The following ITGA7 variants were observed in gnomAD, a reference collection of about 807,000 sequenced individuals.
ITGA7 encodes the protein integrin subunit alpha 7.
In ITGA7, 84 loss-of-function variants were observed where a neutral mutation model predicts 131.6. The observed-to-expected ratio is 0.64, with a 90% CI of 0.54 to 0.77. The LOEUF (loss-of-function observed/expected upper bound fraction) is 0.77. ITGA7 is among the 30% of genes least tolerant of loss of function. ITGA7 has a pLI of 0.00. For missense variants in ITGA7, 1,399 were observed against 1,482.9 expected (o/e 0.94, Z 0.93); for synonymous variants, 548 against 600.7 (o/e 0.91, Z 1.28).
At chr12:55,697,173 G>A in intron 11 of ITGA7, 43 bp downstream of exon 11, 5 of 1,575,940 alleles carry the variant, frequency 3.2e-6, no homozygotes, top group Non-Finnish European at 2.6e-6. Flanking sequence ...CCCCTCCCTG[G>A]GAAACCCAAA....
Position 55,695,571 on chromosome 12 carries a change from C to T in ITGA7, c.1954G>A (p.Ala652Thr), listed in dbSNP as rs372579627. The change falls in exon 14 of 25, where the codon GCC (alanine) becomes ACC (threonine). Residue 652 changes from alanine (A) to threonine (T), a missense_variant. Transcript: ENST00000257879. ...TCGCTGACCCGGGTACAGAAGCGGG[C>T]GCGGACCAGCTGCAGATTGCTCTGG... ...ICQSNLQLVR[A>T]RFCTRVSDTE... is the part of the protein sequence containing the mutation. The T allele has an allele frequency of 6.8e-6, 11 of 1,613,536 alleles. No individual in the cohort carries two copies. Among genetic ancestry groups the T allele is most frequent in the East Asian group, 2.2e-5 (1 of 44,844 alleles).
Position 55,685,238 on chromosome 12 carries a change from G to T in ITGA7, c.3234C>A (p.Tyr1078Ter). 2 of 1,614,202 alleles carry T rather than the reference G, an allele frequency of 1.2e-6. No homozygotes were observed. The highest frequency in any genetic ancestry group is 1.3e-5 in the African/African-American group (1 of 75,066). Residue 1078 changes from tyrosine (Y) to a stop codon, truncating the protein, a stop_gained, in exon 25 of 25, where the codon TAC (tyrosine) becomes TAA (stop). Transcript: ENST00000257879. LOFTEE classifies it high-confidence loss of function. The part of the protein sequence containing the change: ...AKHPEATVPQ[Y>*]HAVKIPREDR... ...CTTCCCGAGGAATCTTCACCGCATG[G>T]TACTGGGGCACGGTGGCCTCGGGGT...
At position 55,697,975 on chromosome 12, in the gene ITGA7, T is replaced by C. The variant is rs1355871507; in HGVS notation, c.1244A>G (p.His415Arg). 1.1e-5 allele frequency: 18 copies of C among 1,613,988 alleles called. No homozygotes were observed. Among genetic ancestry groups the C allele is most frequent in the Non-Finnish European group, 1.5e-5 (18 of 1,180,044 alleles). The change falls in exon 8 of 25, where the codon CAT becomes CGT. Residue 415 changes from histidine to arginine, a missense_variant. Coordinates refer to ENST00000257879, the MANE Select transcript of ITGA7 (RefSeq NM_002206.3). ...GGCGACAACCCCCAGGCTGCTCCCA[T>C]GGTAGATGAAGACTTTCCCATCACC... ...FDGDGKVFIY[H>R]GSSLGVVAKP... is the part of the protein sequence containing the mutation.
In ITGA7 at chr12:55,707,666, C is replaced by G. The variant is rs573629864; in HGVS notation, c.17G>C (p.Ser6Thr). 1 of 1,580,062 alleles carries G rather than the reference C, an allele frequency of 6.3e-7. No individual in the cohort carries two copies. The highest frequency in any genetic ancestry group is 1.1e-5 in the South Asian group (1 of 86,960). Reference sequence around the variant, plus strand: ...CCCGGAGGCCCCCCAAGGGTCGCGGCTCCGAGCCCCGGCCATGGGACGATC... The same window carrying G: ...CCCGGAGGCCCCCCAAGGGTCGCGGGTCCGAGCCCCGGCCATGGGACGATC... MAGAR[S>T]RDPWGASGIC... The change falls in exon 1 of 25, where the codon AGC becomes ACC. Residue 6 changes from serine (S) to threonine (T), a missense_variant. Ser to Thr is a moderately conservative substitution (Grantham distance 58, BLOSUM62 1). Transcript: ENST00000257879.
At position 55,702,924 on chromosome 12, in the gene ITGA7, T is replaced by C; in HGVS notation, c.362A>G (p.Asn121Ser). The change falls in exon 3 of 25, where the codon AAC becomes AGC. Residue 121 changes from asparagine to serine, a missense_variant. By Grantham distance (46) the Asn-to-Ser change is conservative. Transcript: ENST00000257879. The stretch of plus-strand genomic sequence containing the variant: ...CCGAACACTGACTCCCAACCACTGG[T>C]TCTCCTTGCTTTCCTTTTGCATATC... ...GADMQKESKE[N>S]QWLGVSVRSQ... is the part of the protein sequence containing the mutation. The C allele has an allele frequency of 6.2e-7, 1 of 1,613,134 alleles. No homozygotes were observed. The highest frequency in any genetic ancestry group is 1.3e-5 in the African/African-American group (1 of 75,012).
chr12:55,707,852 G>A lies in ITGA7; in HGVS notation c.-170C>T. ...CGCCCGCCCGCCGCTCCGCCACCCCGCCGCCCCAGCACCGGCTAGGACAAC... is the reference window on the plus strand; with the variant it reads ...CGCCCGCCCGCCGCTCCGCCACCCCACCGCCCCAGCACCGGCTAGGACAAC... On this transcript the variant is annotated 5_prime_UTR_variant, in exon 1 of 25. Transcript: ENST00000257879. The A allele has an allele frequency of 1.1e-6, 1 of 939,402 alleles. No homozygotes were observed. Among genetic ancestry groups the A allele is most frequent in the South Asian group, 1.6e-5 (1 of 61,188 alleles). The allele number at this position is 939,402 out of a possible 1,614,324, so 58.2% of individuals were successfully genotyped here.
intron 1 of ITGA7, among the ~76,000 whole-genome samples, chr12:55,703,417 TAC>T (rs57311080): frequency 4.5e-4 from 67 of 148,636 alleles, no homozygotes; most frequent in Non-Finnish European, 5.5e-4. Context: ...ACACAGTAGA[TAC>T]ACACACACAC....
intron 19 of ITGA7, 43 bp from the exon 20 acceptor site, chr12:55,693,360 CTTTTT>C: frequency 8.2e-7 from 1 of 1,221,782 alleles, no homozygotes. Flanking sequence ...CTCAGTTTTT[CTTTTT>C]TTTTTTTTTT....
At position 55,694,682 on chromosome 12, in the gene ITGA7, C is replaced by T; in HGVS notation, c.2210G>A (p.Cys737Tyr). Residue 737 changes from cysteine (C) to tyrosine (Y), a missense_variant, in exon 16 of 25, where the codon TGC (cysteine) becomes TAC (tyrosine). Coordinates refer to ENST00000257879, the MANE Select transcript of ITGA7 (RefSeq NM_002206.3). This position sits in a 1 kb window ranked among gnomAD's most constrained non-coding sequence, Gnocchi z 5.3. ...RALDPAEKPL[C>Y]LSNENASHVE... ...ATGGGAGGCATTCTCATTGGACAGG[C>T]AGAGTGGCTTCTCCTGGAATGGGAG... 5 of 1,614,142 alleles carry T rather than the reference C, an allele frequency of 3.1e-6. No individual in the cohort carries two copies. The highest frequency in any genetic ancestry group is 4.2e-6 in the Non-Finnish European group (5 of 1,180,000).
In ITGA7 at chr12:55,697,491, C is replaced by T. The variant is rs1318351319; in HGVS notation, c.1465G>A (p.Asp489Asn). The T allele has an allele frequency of 6.2e-6, 10 of 1,614,076 alleles. 1 individual carries two copies. The South Asian group carries it at 6.6e-5, about 11-fold the overall frequency. ...CCAGCACAGTTGGGCTGCTCCAGGT[C>T]GATGCTTCGTGGAGCAATAGAGACC... The part of the protein sequence containing the change: ...HEVSIAPRSI[D>N]LEQPNCAGGH... The change falls in exon 10 of 25, where the codon GAC becomes AAC. Residue 489 changes from aspartate to asparagine, a missense_variant. Physicochemically the swap from Asp to Asn is conservative, Grantham distance 23 (BLOSUM62 1). Coordinates refer to ENST00000257879, the MANE Select transcript of ITGA7 (RefSeq NM_002206.3).
At position 55,694,372 on chromosome 12, in the gene ITGA7, C is replaced by T; in HGVS notation, c.2358-42G>A. On this transcript the variant is annotated intron_variant, in intron 17 of 24. Transcript: ENST00000257879. The surrounding 1 kb of genome is among the most constrained non-coding windows in gnomAD (Gnocchi z 5.3). ...GGCAAGTATGGGCATCAGGCACAGG[C>T]ACCTCCCAAGGGGTCAGATGAGGTC... is the stretch of plus-strand genomic sequence containing the variant. The T allele has an allele frequency of 6.2e-7, 1 of 1,613,080 alleles. No individual in the cohort carries two copies. The highest frequency in any genetic ancestry group is 8.5e-7 in the Non-Finnish European group (1 of 1,179,344).
intron 5 of ITGA7, among the ~76,000 whole-genome samples, chr12:55,699,147 C>T (rs751037074): frequency 6.6e-6 from 1 of 152,168 alleles, no homozygotes. Flanking sequence ...GCCTCCCACA[C>T]CCACCAGGCC....
At chr12:55,685,921 C>T (rs1030748214) in intron 24 of ITGA7, among the ~76,000 whole-genome samples, 4 of 152,208 alleles carry the variant, frequency 2.6e-5, no homozygotes, top group Admixed American at 6.5e-5. Flanking sequence ...CATTCATCTC[C>T]TTGCACACTC....
In ITGA7 at chr12:55,696,271, A is replaced by G; in HGVS notation, c.1887+12T>C. ...GCTCCTCCCCCTGGGCTAAACCAGA[A>G]CCCATGCTCACCTCTGCCCGCTGGG... On this transcript the variant is annotated intron_variant, in intron 13 of 24. Transcript: ENST00000257879. The G allele has an allele frequency of 6.4e-7, 1 of 1,561,394 alleles. No homozygotes were observed. The highest frequency in any genetic ancestry group is 1.2e-5 in the South Asian group (1 of 85,084).
In ITGA7 at chr12:55,694,754, C is replaced by T. The variant is rs138962243; in HGVS notation, c.2196+24G>A. ...TTACTGGAGCCCCTCAAGACCCCACCCCATCCTGCCCCCAGGTCCTCACCG... is the reference window on the plus strand; with the variant it reads ...TTACTGGAGCCCCTCAAGACCCCACTCCATCCTGCCCCCAGGTCCTCACCG... On this transcript the variant is annotated intron_variant, in intron 15 of 24. Coordinates refer to ENST00000257879, the MANE Select transcript of ITGA7 (RefSeq NM_002206.3). This position sits in a 1 kb window ranked among gnomAD's most constrained non-coding sequence, Gnocchi z 5.3. The T allele has an allele frequency of 2.1e-4, 339 of 1,614,022 alleles. No homozygotes were observed. The African/African-American group carries it at 3.3e-3, about 16-fold the overall frequency.
chr12:55,698,446 G>A lies in ITGA7; in HGVS notation c.1129C>T (p.Pro377Ser), dbSNP rs750652517. 6.2e-7 allele frequency: 1 copy of A among 1,613,642 alleles called. No homozygotes were observed. Among genetic ancestry groups the A allele is most frequent in the African/African-American group, 1.3e-5 (1 of 74,986 alleles). ...AGGCTGATCCCGAACATGGAGTCAG[G>A]GGAGCCGCAGAGCCGGAGAGGGGAG... Reference protein sequence around the residue: ...GISPLRLCGSPDSMFGISLAV... With the variant: ...GISPLRLCGSSDSMFGISLAV... Residue 377 changes from proline (P) to serine (S), a missense_variant, in exon 7 of 25, where the codon CCT (proline) becomes TCT (serine). Transcript: ENST00000257879.
chr12:55,716,182 G>C, upstream of ITGA7: 1 of 1,610,500 alleles, frequency 6.2e-7, no homozygotes, highest in East Asian at 2.2e-5. Flanking sequence ...CAGAATGAAC[G>C]CAAGGAGCTG....
At chr12:55,701,453 T>C (rs866607760) in intron 3 of ITGA7, 4 of 1,548,936 alleles carry the variant, frequency 2.6e-6, no homozygotes, top group East Asian at 2.4e-5. Context: ...AGCCACCACA[T>C]AGGATGTGTG....
At chr12:55,698,333 T>A in intron 7 of ITGA7, 50 bp downstream of exon 7, 1 of 1,512,574 alleles carries the variant, frequency 6.6e-7, no homozygotes. Flanking sequence ...GGCTTCCCCA[T>A]CCCTCCTGTG....
Sources: gnomAD v4.1 joint callset for allele counts (sites outside exome capture counted in the v4.1 genomes callset) on GRCh38, gnomAD v4.1.1 for gene constraint, Gnocchi (gnomAD v3.1) non-coding constraint, MANE v1.5 for transcripts, NCBI Gene and HGNC (gene_info 2026-07-23, HGNC 2026-07-21) for gene names.